SHC3: variants seen among roughly 807,000 people sequenced by gnomAD.
SHC3 encodes SHC adaptor protein 3.
In SHC3, 15 loss-of-function variants were observed where a neutral mutation model predicts 60.4. That is an observed-to-expected ratio of 0.25 (90% CI 0.17 to 0.38). SHC3 has a LOEUF of 0.38. Among genes scored for constraint, SHC3 ranks in the 10% least tolerant of loss-of-function variants. SHC3 has a pLI of 1.00. For missense variants in SHC3, 677 were observed against 786.1 expected, an observed-to-expected ratio of 0.86 and a Z score of 1.66; for synonymous variants, 294 against 325.9, an observed-to-expected ratio of 0.90 and a Z score of 1.05.
intron 1 of SHC3, among the ~76,000 whole-genome samples, chr9:89,142,015 G>GA (rs1288408261): frequency 2.0e-5 from 3 of 152,054 alleles, no homozygotes; most frequent in Admixed American, 1.3e-4. Context: ...CCTTTAGGGA[G>GA]AAAAAAGCTC....
At chr9:89,111,684 T>G (rs1825949180) in intron 2 of SHC3, among the ~76,000 whole-genome samples, 1 of 152,246 alleles carries the variant, frequency 6.6e-6, no homozygotes, top group Non-Finnish European at 1.5e-5. Flanking sequence ...GTGTGTATGT[T>G]TCTTAGCAGC....
At chr9:89,162,652 C>A (rs1056033033) in intron 1 of SHC3, among the ~76,000 whole-genome samples, 2 of 151,082 alleles carry the variant, frequency 1.3e-5, no homozygotes, top group South Asian at 4.2e-4. Context: ...AGAAGAAAAC[C>A]TAGGCATTAC....
chr9:89,098,472 T>C (rs7864748), intron 2 of SHC3, among the ~76,000 whole-genome samples: 34,859 of 152,094 alleles, frequency 0.23, 4,310 homozygotes, highest in African/African-American at 0.31. Flanking sequence ...AACTAGTTAG[T>C]GTTGAAGAGG....
intron 1 of SHC3, among the ~76,000 whole-genome samples, chr9:89,124,677 G>C (rs773052172): frequency 2.6e-5 from 4 of 152,002 alleles, no homozygotes; most frequent in Non-Finnish European, 5.9e-5. Flanking sequence ...TCACACACCG[G>C]GGCCTGTCAG....
In SHC3 at chr9:89,047,032, T is replaced by C. The variant is rs780507037; in HGVS notation, c.963-38A>G. ...GATTTCCAAGGGCTTTAGCCAAAAGTTGAACTTGCAGCCAAAATCAACAAA... is the reference window on the plus strand; with the variant it reads ...GATTTCCAAGGGCTTTAGCCAAAAGCTGAACTTGCAGCCAAAATCAACAAA... On this transcript the variant is annotated intron_variant, in intron 7 of 11. Transcript: ENST00000375835. 112 of 1,498,220 alleles carry C rather than the reference T, an allele frequency of 7.5e-5. No individual in the cohort carries two copies. The Admixed American group carries it at 2.6e-3, about 35-fold the overall frequency. 92.8% of individuals were successfully genotyped at this position (1,498,220 alleles called of 1,614,324 possible).
intron 1 of SHC3, among the ~76,000 whole-genome samples, chr9:89,149,628 T>C (rs185416917): frequency 6.6e-6 from 1 of 152,326 alleles, no homozygotes; most frequent in East Asian, 1.9e-4. Flanking sequence ...GTTCATTTTA[T>C]TTAATATAGC....
intron 7 of SHC3, among the ~76,000 whole-genome samples, chr9:89,050,139 G>A (rs1824838859): frequency 6.6e-6 from 1 of 152,174 alleles, no homozygotes; most frequent in Non-Finnish European, 1.5e-5. Context: ...AGTTCTTTGT[G>A]TATATTGGAA....
rs1171389852 is a variant in SHC3 at position 89,052,077 on chromosome 9, A to G, written c.922T>C (p.Tyr308His). The G allele has an allele frequency of 1.2e-6, 2 of 1,614,018 alleles. No individual in the cohort carries two copies. Among genetic ancestry groups the G allele is most frequent in the Non-Finnish European group, 8.5e-7 (1 of 1,179,978 alleles). Residue 308 changes from tyrosine to histidine, a missense_variant, in exon 7 of 12, where the codon TAT (tyrosine) becomes CAT (histidine). By Grantham distance (83) the Tyr-to-His change is moderately conservative. Transcript: ENST00000375835. Reference protein sequence around the residue: ...GQAFELRFKQYLQCPTKIPAL... With the variant: ...GQAFELRFKQHLQCPTKIPAL... ...GGAATCTTGGTAGGACACTGTAAAT[A>G]TTGCTTAAACCGGAGCTCAAAGGCT...
At chr9:89,015,080 T>C (rs1478706802) in intron 11 of SHC3, among the ~76,000 whole-genome samples, 1 of 152,180 alleles carries the variant, frequency 6.6e-6, no homozygotes, top group Non-Finnish European at 1.5e-5. Flanking sequence ...AAAAGGAAGC[T>C]TTTTGCAAGA....
intron 1 of SHC3, among the ~76,000 whole-genome samples, chr9:89,159,681 C>G (rs1246037937): frequency 6.6e-6 from 1 of 152,188 alleles, no homozygotes; most frequent in East Asian, 1.9e-4. Flanking sequence ...CAGTCCAAGT[C>G]CCAAAACTGA....
At chr9:89,090,220 A>C (rs1825600853) in intron 2 of SHC3, among the ~76,000 whole-genome samples, 1 of 152,228 alleles carries the variant, frequency 6.6e-6, no homozygotes, top group Admixed American at 6.5e-5. Context: ...AGGCAAAGAG[A>C]GTCCAGGACA....
At chr9:89,083,475 G>C (rs928455673) in intron 2 of SHC3, among the ~76,000 whole-genome samples, 2 of 152,146 alleles carry the variant, frequency 1.3e-5, no homozygotes, top group Non-Finnish European at 2.9e-5. Flanking sequence ...GGTCTTAGAG[G>C]CATTTCAGGA....
At chr9:89,041,365 T>C (rs1473245748) in intron 10 of SHC3, among the ~76,000 whole-genome samples, 1 of 152,260 alleles carries the variant, frequency 6.6e-6, no homozygotes, top group Non-Finnish European at 1.5e-5. Flanking sequence ...CTGAGGAGCA[T>C]GTACCACTAC....
chr9:89,069,090 C>G (rs1481258707), intron 5 of SHC3, among the ~76,000 whole-genome samples: 4 of 152,168 alleles, frequency 2.6e-5, no homozygotes, highest in Non-Finnish European at 5.9e-5. Flanking sequence ...GGGTGGACCA[C>G]TTAAGCCCAG....
chr9:89,177,914 A>C, intron 1 of SHC3, 73 bp downstream of exon 1: 1 of 1,148,802 alleles, frequency 8.7e-7, no homozygotes, highest in Non-Finnish European at 1.1e-6. Flanking sequence ...CCCGGGCTTC[A>C]GGGAATGAAG....
At chr9:89,129,314 C>G (rs1025822290) in intron 1 of SHC3, among the ~76,000 whole-genome samples, 2 of 152,138 alleles carry the variant, frequency 1.3e-5, no homozygotes, top group African/African-American at 4.8e-5. Context: ...GAGAAGGGAA[C>G]CAAGTTGGAA....
intron 11 of SHC3, 138 bp from the exon 12 acceptor site, chr9:89,013,713 G>T: frequency 7.9e-7 from 1 of 1,270,460 alleles, no homozygotes; most frequent in Non-Finnish European, 1.1e-6. Context: ...CACCACTTTA[G>T]AGATGCTGTC....
intron 1 of SHC3, among the ~76,000 whole-genome samples, chr9:89,132,934 T>C (rs1385387651): frequency 6.6e-6 from 1 of 151,914 alleles, no homozygotes; most frequent in South Asian, 2.1e-4. Flanking sequence ...TAAAGAGCTT[T>C]TGCACAGCAA....
intron 1 of SHC3, among the ~76,000 whole-genome samples, chr9:89,170,657 G>C (rs1414219109): frequency 6.6e-6 from 1 of 152,050 alleles, no homozygotes; most frequent in African/African-American, 2.4e-5. Flanking sequence ...AAATAAACAA[G>C]TGCATATGCT....
Sources: gnomAD v4.1 joint callset for allele counts (sites outside exome capture counted in the v4.1 genomes callset) on GRCh38, gnomAD v4.1.1 for gene constraint, MANE v1.5 for transcripts, NCBI Gene and HGNC (gene_info 2026-07-23, HGNC 2026-07-21) for gene names.